Variants in TMEM132D observed in about 807,000 individuals in gnomAD.
TMEM132D encodes transmembrane protein 132D, also known as mature OL transmembrane protein.
TMEM132D carries 21 observed loss-of-function variants against 62.3 expected under a neutral mutation model. That is an observed-to-expected ratio of 0.34 (90% CI 0.24 to 0.49). The LOEUF is 0.49. TMEM132D is among the 20% of genes least tolerant of loss of function. TMEM132D has a pLI of 0.99. For missense variants in TMEM132D, 1,346 were observed against 1,402.8 expected, an observed-to-expected ratio of 0.96 and a Z score of 0.65; for synonymous variants, 621 against 575.6, an observed-to-expected ratio of 1.08 and a Z score of -1.13.
At position 129,558,600 on chromosome 12, in the gene TMEM132D, A is replaced by G. The variant is rs534368586; in HGVS notation, c.969-27395T>C. Among the ~76,000 whole-genome samples, 3 of 152,246 alleles carry G rather than the reference A, an allele frequency of 2.0e-5. No individual in the cohort carries two copies. In the East Asian group the frequency reaches 5.8e-4, roughly 29 times the overall value. On this transcript the variant is annotated intron_variant, in intron 2 of 8. Coordinates refer to ENST00000422113, the MANE Select transcript of TMEM132D (RefSeq NM_133448.3). ...TACCTTCCAAAACCTCATGCCTCTCATTGGCAGACCGTAACCCAGGACCAC... is the reference window on the plus strand; with the variant it reads ...TACCTTCCAAAACCTCATGCCTCTCGTTGGCAGACCGTAACCCAGGACCAC...
At chr12:129,430,395 C>A (rs1055484546) in intron 3 of TMEM132D, among the ~76,000 whole-genome samples, 1 of 152,170 alleles carries the variant, frequency 6.6e-6, no homozygotes, top group Non-Finnish European at 1.5e-5. Flanking sequence ...TGAGAAGTGT[C>A]TGTTCATATC....
At chr12:129,182,763 A>G (rs1056535111) in intron 5 of TMEM132D, among the ~76,000 whole-genome samples, 4 of 152,228 alleles carry the variant, frequency 2.6e-5, no homozygotes, top group African/African-American at 7.2e-5. Context: ...GACACATAAA[A>G]TTAACTAACA....
intron 3 of TMEM132D, among the ~76,000 whole-genome samples, chr12:129,443,831 C>T (rs891730899): frequency 1.3e-5 from 2 of 152,082 alleles, no homozygotes; most frequent in African/African-American, 2.4e-5. Context: ...CATTCTTTGT[C>T]GATAATGATT....
chr12:129,893,191 T>C (rs1231379877), intron 1 of TMEM132D, among the ~76,000 whole-genome samples: 1 of 152,152 alleles, frequency 6.6e-6, no homozygotes, highest in African/African-American at 2.4e-5. Flanking sequence ...CTCCTTTTTG[T>C]TGACTTGGGC....
chr12:129,458,537 G>C (rs1388782001), intron 3 of TMEM132D, among the ~76,000 whole-genome samples: 1 of 152,066 alleles, frequency 6.6e-6, no homozygotes, highest in Non-Finnish European at 1.5e-5. Flanking sequence ...TGTCTGGTCT[G>C]ATAAGGATAA....
At position 129,371,116 on chromosome 12, in the gene TMEM132D, G is replaced by A. The variant is rs555538179; in HGVS notation, c.1116-33299C>T. ...TGATTCGATCATTATATTGTTGTAGGTACCACCAAAATATGTACAACTATG... is the reference window on the plus strand; with the variant it reads ...TGATTCGATCATTATATTGTTGTAGATACCACCAAAATATGTACAACTATG... On this transcript the variant is annotated intron_variant, in intron 3 of 8. Coordinates refer to ENST00000422113, the MANE Select transcript of TMEM132D (RefSeq NM_133448.3). This position sits in a 1 kb window ranked among gnomAD's most constrained non-coding sequence, Gnocchi z 4.3. Among the ~76,000 whole-genome samples the A allele has an allele frequency of 6.6e-6, 1 of 152,220 alleles. No homozygotes were observed. Among genetic ancestry groups the A allele is most frequent in the East Asian group, 1.9e-4 (1 of 5,182 alleles).
At chr12:129,138,084 A>C (rs562829058) in intron 5 of TMEM132D, among the ~76,000 whole-genome samples, 68 of 152,302 alleles carry the variant, frequency 4.5e-4, no homozygotes, top group African/African-American at 1.6e-3. Flanking sequence ...ATAGAGGGCA[A>C]ATAACATAAA....
Position 129,677,831 on chromosome 12 carries a change from CTT to C in TMEM132D, c.968+21977_968+21978del, listed in dbSNP as rs869098260. On this transcript the variant is annotated intron_variant, in intron 2 of 8. Coordinates refer to ENST00000422113, the MANE Select transcript of TMEM132D (RefSeq NM_133448.3). ...GTCCTAAATTTTCTAGTGATTTTGT[CTT>C]TTTTTTTTTTTTTCTATAGTTTTAC... 5.1e-5 allele frequency among the ~76,000 whole-genome samples: 6 copies of C among 117,638 alleles called. No homozygotes were observed. In the South Asian group the frequency reaches 9.3e-4, roughly 18 times the overall value. 77.2% of individuals were successfully genotyped at this position (117,638 alleles called of 152,430 possible).
intron 4 of TMEM132D, among the ~76,000 whole-genome samples, chr12:129,299,984 G>T (rs1360431406): frequency 6.6e-6 from 1 of 152,136 alleles, no homozygotes; most frequent in Non-Finnish European, 1.5e-5. Flanking sequence ...TATCTTTGGT[G>T]CTTAAAAGGT....
chr12:129,772,080 G>C (rs1186386324), intron 1 of TMEM132D, among the ~76,000 whole-genome samples: 2 of 151,954 alleles, frequency 1.3e-5, no homozygotes, highest in African/African-American at 4.8e-5. Flanking sequence ...TCATTCACAA[G>C]TGGGATCACA....
chr12:129,827,577 G>C lies in TMEM132D; in HGVS notation c.79+75684C>G, dbSNP rs1055283311. On this transcript the variant is annotated intron_variant, in intron 1 of 8. Transcript: ENST00000422113. The surrounding 1 kb of genome is among the most constrained non-coding windows in gnomAD (Gnocchi z 9.7). ...CTCATTAGTGGTTGCTGGAACCCACGTTCTGAGCCTGCGGTGTTTCCTGCT... is the reference window on the plus strand; with the variant it reads ...CTCATTAGTGGTTGCTGGAACCCACCTTCTGAGCCTGCGGTGTTTCCTGCT... Among the ~76,000 whole-genome samples, 1 of 152,182 alleles carries C rather than the reference G, an allele frequency of 6.6e-6. No individual in the cohort carries two copies. Among genetic ancestry groups the C allele is most frequent in the Admixed American group, 6.5e-5 (1 of 15,274 alleles).
At chr12:129,898,053 C>T (rs1018669253) in intron 1 of TMEM132D, among the ~76,000 whole-genome samples, 2 of 152,150 alleles carry the variant, frequency 1.3e-5, no homozygotes, top group African/African-American at 4.8e-5. Flanking sequence ...ACATATCTAC[C>T]CCATTGAGTT....
chr12:129,518,557 G>GTATA (rs1159217185), intron 3 of TMEM132D, among the ~76,000 whole-genome samples: 1 of 67,692 alleles, frequency 1.5e-5, no homozygotes, highest in African/African-American at 3.5e-5. Flanking sequence ...GTGTGTGTGT[G>GTATA]TATATATATA....
intron 2 of TMEM132D, among the ~76,000 whole-genome samples, chr12:129,690,663 A>G (rs1156700911): frequency 6.6e-6 from 1 of 152,206 alleles, no homozygotes; most frequent in Non-Finnish European, 1.5e-5. Flanking sequence ...CTAAATGCGT[A>G]TGCATCTAAC....
chr12:129,676,414 A>T (rs1006417522), intron 2 of TMEM132D, among the ~76,000 whole-genome samples: 1 of 152,138 alleles, frequency 6.6e-6, no homozygotes, highest in South Asian at 2.1e-4. Context: ...TTGCGTTGCT[A>T]TAAAGGAATA....
At chr12:129,756,079 G>A (rs771611396) in intron 1 of TMEM132D, among the ~76,000 whole-genome samples, 1 of 152,198 alleles carries the variant, frequency 6.6e-6, no homozygotes, top group Non-Finnish European at 1.5e-5. Flanking sequence ...AAGCTGGTCA[G>A]ACTCAGGGAG....
chr12:129,102,525 CACA>C lies in TMEM132D; in HGVS notation c.1444-17826_1444-17824del, dbSNP rs1190477154. ...GCATATGCACGCACACACGCACACA[CACA>C]ACACACACACACATGCACACACATA... On this transcript the variant is annotated intron_variant, in intron 5 of 8. Transcript: ENST00000422113. Among the ~76,000 whole-genome samples, 5 of 150,536 alleles carry C rather than the reference CACA, an allele frequency of 3.3e-5. No individual in the cohort carries two copies. The East Asian group carries it at 5.9e-4, about 18-fold the overall frequency.
chr12:129,103,584 G>A (rs1875386951), intron 5 of TMEM132D, among the ~76,000 whole-genome samples: 1 of 152,154 alleles, frequency 6.6e-6, no homozygotes, highest in Non-Finnish European at 1.5e-5. Context: ...AGGTTCCAGA[G>A]TGTCACCCAG....
At chr12:129,703,285 TATG>T (rs1194322423) in intron 1 of TMEM132D, among the ~76,000 whole-genome samples, 1 of 152,342 alleles carries the variant, frequency 6.6e-6, no homozygotes, top group Admixed American at 6.5e-5. Context: ...CATCGGGTCC[TATG>T]ATTTTATTCA....
Sources: allele counts gnomAD v4.1 joint callset (sites outside exome capture counted in the v4.1 genomes callset), GRCh38; gene constraint gnomAD v4.1.1; non-coding constraint Gnocchi (gnomAD v3.1); transcripts MANE v1.5; gene names NCBI Gene and HGNC (gene_info 2026-07-23, HGNC 2026-07-21).